The following KCNIP4 variants were observed in gnomAD, a reference collection of about 807,000 sequenced individuals.
KCNIP4 encodes the protein potassium voltage-gated channel interacting protein 4.
In KCNIP4, 12 loss-of-function variants were observed where a neutral mutation model predicts 34.0. The ratio of observed to expected loss-of-function variants is 0.35; its 90% CI spans 0.23 to 0.57. The LOEUF is 0.57. KCNIP4 is among the 20% of genes least tolerant of loss of function. The probability of loss-of-function intolerance (pLI) is 0.83; values close to 1 mark genes in which losing one functional copy is unlikely to be tolerated. For missense variants in KCNIP4, 238 were observed against 311.7 expected (o/e 0.76, Z 1.78); for synonymous variants, 124 against 102.2 (o/e 1.21, Z -1.29).
intron 1 of KCNIP4, among the ~76,000 whole-genome samples, chr4:20,896,437 T>C (rs1726538105): frequency 6.6e-6 from 1 of 152,200 alleles, no homozygotes; most frequent in Non-Finnish European, 1.5e-5. Context: ...TAATATAAAG[T>C]TATATTGGTT....
intron 1 of KCNIP4, among the ~76,000 whole-genome samples, chr4:20,976,151 A>C (rs1297669415): frequency 1.3e-5 from 2 of 152,114 alleles, no homozygotes; most frequent in Non-Finnish European, 2.9e-5. Flanking sequence ...TTATTACCTA[A>C]CTCAATGGTT....
At chr4:21,261,583 G>A (rs112725247) in intron 1 of KCNIP4, among the ~76,000 whole-genome samples, 1,633 of 152,174 alleles carry the variant, frequency 0.011, 26 homozygotes, top group African/African-American at 0.036. Flanking sequence ...AATTTGACTT[G>A]TCTTACTAAT....
At chr4:21,372,900 C>T (rs73249560) in intron 1 of KCNIP4, among the ~76,000 whole-genome samples, 15,089 of 145,136 alleles carry the variant, frequency 0.1, 1,672 homozygotes, top group African/African-American at 0.14. Context: ...AAATTTTATT[C>T]CCAATTTGAC....
chr4:21,203,700 C>T (rs1272279008), intron 1 of KCNIP4, among the ~76,000 whole-genome samples: 2 of 152,196 alleles, frequency 1.3e-5, no homozygotes, highest in Non-Finnish European at 2.9e-5. Context: ...ATCACACATC[C>T]TTCTAAGAAC....
intron 2 of KCNIP4, among the ~76,000 whole-genome samples, chr4:20,870,323 G>A (rs944835555): frequency 6.6e-6 from 1 of 151,962 alleles, no homozygotes; most frequent in African/African-American, 2.4e-5. Context: ...CCTTCACTCT[G>A]TCTCTCCCAC....
At chr4:20,884,791 T>A (rs1045721699) in intron 1 of KCNIP4, among the ~76,000 whole-genome samples, 4 of 145,160 alleles carry the variant, frequency 2.8e-5, no homozygotes, top group African/African-American at 1.0e-4. Context: ...CACTGCAACC[T>A]CCAGGTTCAA....
intron 1 of KCNIP4, among the ~76,000 whole-genome samples, chr4:21,559,363 G>C (rs954932316): frequency 3.3e-5 from 5 of 152,096 alleles, no homozygotes; most frequent in Admixed American, 2.6e-4. Context: ...TTATTCATTC[G>C]ATGATATATT....
chr4:21,106,358 C>T (rs1232674826), intron 1 of KCNIP4, among the ~76,000 whole-genome samples: 1 of 151,728 alleles, frequency 6.6e-6, no homozygotes, highest in Non-Finnish European at 1.5e-5. Flanking sequence ...TTATCCATTT[C>T]TTCTAGATTT....
At position 21,000,163 on chromosome 4, in the gene KCNIP4, G is replaced by C. The variant is rs186090326; in HGVS notation, c.62-117454C>G. On this transcript the variant is annotated intron_variant, in intron 1 of 8. Coordinates refer to ENST00000382152, the MANE Select transcript of KCNIP4 (RefSeq NM_025221.6). Reference sequence around the variant, plus strand: ...CAGGTGCTAAGCAGAAGGATCTGCAGCTAACATGCAAATGATTAGCAAAAA... The same window carrying C: ...CAGGTGCTAAGCAGAAGGATCTGCACCTAACATGCAAATGATTAGCAAAAA... 3.0e-3 allele frequency among the ~76,000 whole-genome samples: 451 copies of C among 152,220 alleles called. 3 individuals carry two copies. Among genetic ancestry groups the C allele is most frequent in the African/African-American group, 0.01 (421 of 41,530 alleles).
intron 1 of KCNIP4, among the ~76,000 whole-genome samples, chr4:21,080,110 T>G (rs1416986262): frequency 6.6e-6 from 1 of 151,846 alleles, no homozygotes; most frequent in Non-Finnish European, 1.5e-5. Flanking sequence ...CTCCTGCATT[T>G]TCCCTGAGTG....
intron 1 of KCNIP4, among the ~76,000 whole-genome samples, chr4:21,113,371 T>C (rs1749392796): frequency 6.6e-6 from 1 of 150,570 alleles, no homozygotes; most frequent in Non-Finnish European, 1.5e-5. Context: ...ATTCCCCTCC[T>C]GTCACTTCTG....
At chr4:21,811,318 A>G (rs1414265232) in intron 1 of KCNIP4, among the ~76,000 whole-genome samples, 2 of 152,160 alleles carry the variant, frequency 1.3e-5, no homozygotes, top group Non-Finnish European at 2.9e-5. Flanking sequence ...CTCATCCACT[A>G]TTTGCCATAG....
intron 1 of KCNIP4, among the ~76,000 whole-genome samples, chr4:21,097,019 A>G (rs1415966245): frequency 1.3e-5 from 2 of 151,994 alleles, no homozygotes; most frequent in East Asian, 3.8e-4. Flanking sequence ...ATTTATCAAC[A>G]AAACAAATAG....
At chr4:21,225,531 A>G (rs1231682579) in intron 1 of KCNIP4, among the ~76,000 whole-genome samples, 1 of 152,156 alleles carries the variant, frequency 6.6e-6, no homozygotes, top group Non-Finnish European at 1.5e-5. Flanking sequence ...TGTTACTCTT[A>G]GAAGTATCCT....
intron 1 of KCNIP4, among the ~76,000 whole-genome samples, chr4:21,728,483 T>A (rs1271860388): frequency 6.6e-6 from 1 of 152,200 alleles, no homozygotes; most frequent in East Asian, 1.9e-4. Context: ...ACTAGGTGTC[T>A]GCTTCTGCCC....
intron 1 of KCNIP4, among the ~76,000 whole-genome samples, chr4:20,909,951 T>C (rs982130600): frequency 6.6e-6 from 1 of 152,280 alleles, no homozygotes; most frequent in African/African-American, 2.4e-5. Flanking sequence ...AGCCGCTAAA[T>C]CAATGTGAAC....
At chr4:21,542,117 T>C (rs1737754534) in intron 1 of KCNIP4, among the ~76,000 whole-genome samples, 1 of 152,178 alleles carries the variant, frequency 6.6e-6, no homozygotes, top group Non-Finnish European at 1.5e-5. Flanking sequence ...TATTTATGGG[T>C]TCATAGCTTT....
chr4:20,977,795 C>T (rs1340475293), intron 1 of KCNIP4, among the ~76,000 whole-genome samples: 1 of 152,186 alleles, frequency 6.6e-6, no homozygotes, highest in Non-Finnish European at 1.5e-5. Flanking sequence ...TTTTGGATCT[C>T]TCAACTCTTG....
intron 1 of KCNIP4, among the ~76,000 whole-genome samples, chr4:21,616,510 T>C (rs1234776592): frequency 6.6e-6 from 1 of 152,210 alleles, no homozygotes; most frequent in African/African-American, 2.4e-5. Context: ...CCTGGGGCTG[T>C]CGTAACAAAT....
Sources: allele counts gnomAD v4.1 joint callset (sites outside exome capture counted in the v4.1 genomes callset), GRCh38; gene constraint gnomAD v4.1.1; transcripts MANE v1.5; gene names NCBI Gene and HGNC (gene_info 2026-07-23, HGNC 2026-07-21).